COL24A1: variants seen among roughly 807,000 people sequenced by gnomAD.
COL24A1 encodes the protein collagen type XXIV alpha 1 chain, also known as collagen alpha-1(XXIV) chain.
In COL24A1, 224 loss-of-function variants were observed where a neutral mutation model predicts 253.9. The observed-to-expected ratio is 0.88, with a 90% CI of 0.79 to 0.99. The LOEUF (loss-of-function observed/expected upper bound fraction) is 0.99, where lower values mean the gene tolerates loss of function less well. Ranked by LOEUF, COL24A1 falls within the 50% of genes least tolerant of loss-of-function variation. The pLI, the probability that COL24A1 is intolerant of heterozygous loss-of-function variation, is 0.00. For synonymous variants in COL24A1, 685 were observed against 673.7 expected (o/e 1.02, Z -0.26); for missense variants, 2,131 against 2,068.5 (o/e 1.03, Z -0.59).
At chr1:85,865,612 G>A (rs1458079532) in intron 37 of COL24A1, among the ~76,000 whole-genome samples, 7 of 152,086 alleles carry the variant, frequency 4.6e-5, no homozygotes, top group African/African-American at 2.4e-5. Context: ...CCTTGCTGTG[G>A]TATTCTACGG....
intron 7 of COL24A1, among the ~76,000 whole-genome samples, chr1:86,073,506 C>T (rs926158615): frequency 2.6e-5 from 4 of 152,118 alleles, no homozygotes; most frequent in South Asian, 4.1e-4. Flanking sequence ...ATTGGTGTAC[C>T]TAAAAGTGAC....
intron 43 of COL24A1, among the ~76,000 whole-genome samples, chr1:85,824,213 T>G (rs1052694043): frequency 1.3e-5 from 2 of 152,084 alleles, no homozygotes; most frequent in African/African-American, 4.8e-5. Context: ...AGGCAGAGAT[T>G]GGAGAGATGC....
intron 43 of COL24A1, among the ~76,000 whole-genome samples, chr1:85,833,452 A>T (rs1675596011): frequency 6.6e-6 from 1 of 152,220 alleles, no homozygotes; most frequent in Non-Finnish European, 1.5e-5. Context: ...TGATCAGTAA[A>T]AAGTCAGGAA....
intron 19 of COL24A1, among the ~76,000 whole-genome samples, chr1:86,008,452 G>A (rs1488735179): frequency 2.0e-5 from 3 of 152,002 alleles, no homozygotes; most frequent in African/African-American, 7.3e-5. Context: ...TTGCCATGCT[G>A]CCCAGGCCAG....
intron 37 of COL24A1, among the ~76,000 whole-genome samples, chr1:85,862,147 G>A (rs758758368): frequency 6.6e-6 from 1 of 151,936 alleles, no homozygotes; most frequent in Non-Finnish European, 1.5e-5. Flanking sequence ...TTCCATTATT[G>A]CATTATCACA....
At chr1:85,826,641 A>T (rs313753) in intron 43 of COL24A1, among the ~76,000 whole-genome samples, 1 of 147,888 alleles carries the variant, frequency 6.8e-6, no homozygotes, top group Non-Finnish European at 1.5e-5. Flanking sequence ...GGTCCTTCAC[A>T]TCCCTTGTAA....
intron 20 of COL24A1, among the ~76,000 whole-genome samples, chr1:85,983,356 T>C (rs192911491): frequency 2.6e-4 from 40 of 152,066 alleles, no homozygotes; most frequent in African/African-American, 8.9e-4. Context: ...CTTACTGATG[T>C]ATGTTTTGTA....
intron 2 of COL24A1, among the ~76,000 whole-genome samples, chr1:86,144,033 T>A (rs954137565): frequency 2.0e-5 from 3 of 152,094 alleles, no homozygotes; most frequent in African/African-American, 7.2e-5. Context: ...AGGAAAAAAG[T>A]GTTTCTAAGT....
At chr1:85,957,024 T>C (rs1690531460) in intron 24 of COL24A1, among the ~76,000 whole-genome samples, 1 of 152,120 alleles carries the variant, frequency 6.6e-6, no homozygotes, top group Non-Finnish European at 1.5e-5. Context: ...CACCACAGAA[T>C]ACTATGCAGC....
chr1:85,924,807 G>T (rs1244365881), intron 24 of COL24A1, among the ~76,000 whole-genome samples: 1 of 152,100 alleles, frequency 6.6e-6, no homozygotes, highest in African/African-American at 2.4e-5. Context: ...GCATAGTGTT[G>T]GAAGTTCTGG....
At position 86,011,371 on chromosome 1, in the gene COL24A1, T is replaced by C. The variant is rs147621527; in HGVS notation, c.2310+5780A>G. 5.3e-3 allele frequency among the ~76,000 whole-genome samples: 810 copies of C among 152,274 alleles called. 7 individuals are homozygous for C. The highest frequency in any genetic ancestry group is 0.019 in the African/African-American group (777 of 41,550). The stretch of plus-strand genomic sequence containing the variant: ...AAATAATAATGATTAATAAATACAA[T>C]TGCAAGATATTTTATGACTGTAAAA... On this transcript the variant is annotated intron_variant, in intron 19 of 59. Coordinates refer to ENST00000370571, the MANE Select transcript of COL24A1 (RefSeq NM_152890.7).
At chr1:85,822,636 C>A (rs1244413335) in intron 45 of COL24A1, among the ~76,000 whole-genome samples, 1 of 152,156 alleles carries the variant, frequency 6.6e-6, no homozygotes, top group Non-Finnish European at 1.5e-5. Context: ...AGTCAAACTA[C>A]TTTTTCCTCT....
At chr1:86,113,765 A>G (rs1705837959) in intron 4 of COL24A1, among the ~76,000 whole-genome samples, 1 of 143,618 alleles carries the variant, frequency 7.0e-6, no homozygotes, top group Admixed American at 7.4e-5. Context: ...AGCCCTGGAG[A>G]TCAAGGCTAC....
intron 1 of COL24A1, chr1:86,155,108 T>C (rs1214002933): frequency 6.6e-6 from 1 of 152,352 alleles, no homozygotes; most frequent in African/African-American, 2.4e-5. Flanking sequence ...AGCACCCCGC[T>C]GCCCGCACGG....
chr1:86,141,728 TCTCA>T (rs1477220500), intron 2 of COL24A1, among the ~76,000 whole-genome samples: 2 of 149,798 alleles, frequency 1.3e-5, no homozygotes, highest in Non-Finnish European at 3.0e-5. Context: ...TGAGACAGAG[TCTCA>T]CTCTGTCAGC....
intron 1 of COL24A1, among the ~76,000 whole-genome samples, chr1:86,147,027 A>G (rs545956882): frequency 6.6e-6 from 1 of 152,302 alleles, no homozygotes; most frequent in South Asian, 2.1e-4. Flanking sequence ...TTTTGCTAAT[A>G]TAGACCCTGA....
At position 85,941,005 on chromosome 1, in the gene COL24A1, A is replaced by C. The variant is rs1452286426; in HGVS notation, c.2562+20244T>G. On this transcript the variant is annotated intron_variant, in intron 24 of 59. Transcript: ENST00000370571. ...TGATAATGTGAATATCATCCACCTA[A>C]CTTGGTTGAACTTAAGGTGTTATTA... 3.9e-5 allele frequency among the ~76,000 whole-genome samples: 6 copies of C among 152,270 alleles called. No homozygotes were observed. The East Asian group carries it at 1.2e-3, about 29-fold the overall frequency.
At chr1:86,086,418 C>T (rs1703070402) in intron 7 of COL24A1, among the ~76,000 whole-genome samples, 1 of 152,114 alleles carries the variant, frequency 6.6e-6, no homozygotes, top group Non-Finnish European at 1.5e-5. Flanking sequence ...CTCACCACCA[C>T]CACCAGAAAC....
At chr1:85,758,151 T>A (rs1666457793) in intron 55 of COL24A1, among the ~76,000 whole-genome samples, 1 of 152,072 alleles carries the variant, frequency 6.6e-6, no homozygotes, top group Non-Finnish European at 1.5e-5. Context: ...AGCGTTATTT[T>A]TTCATATGTC....
Sources: gnomAD v4.1 joint callset for allele counts (sites outside exome capture counted in the v4.1 genomes callset) on GRCh38, gnomAD v4.1.1 for gene constraint, MANE v1.5 for transcripts, NCBI Gene and HGNC (gene_info 2026-07-23, HGNC 2026-07-21) for gene names.